Variants in OTUB2 observed in about 807,000 individuals in gnomAD.
OTUB2 encodes ubiquitin thioesterase OTUB2.
A neutral mutation model predicts 25.1 loss-of-function variants in OTUB2; 21 were observed. That is an observed-to-expected ratio of 0.84 (90% CI 0.59 to 1.21). The LOEUF is 1.21. OTUB2 is among the 50% of genes most tolerant of loss of function. The pLI, the probability that OTUB2 is intolerant of heterozygous loss-of-function variation, is 0.00. For missense variants in OTUB2, 283 were observed against 298.0 expected, an observed-to-expected ratio of 0.95 and a Z score of 0.37; for synonymous variants, 122 against 122.8, an observed-to-expected ratio of 0.99 and a Z score of 0.04.
In OTUB2 at chr14:94,048,098, T is replaced by C. The variant is rs1037914546; in HGVS notation, c.*2176T>C. On this transcript the variant is annotated 3_prime_UTR_variant, in exon 6 of 6. Transcript: ENST00000203664. ...AGATCTTTGTCTCGAAGGGAAAACA[T>C]AGTGGATGAAAAGGTGTGGCAGGCT... The C allele has an allele frequency of 1.4e-4, 21 of 152,180 alleles. No homozygotes were observed. The highest frequency in any genetic ancestry group is 5.1e-4 in the African/African-American group (21 of 41,448). The allele number at this position is 152,180 out of a possible 1,614,324, so 9.4% of individuals were successfully genotyped here. A position where few individuals can be genotyped will look rare whatever the true frequency, so the allele number is the denominator to read the frequency against.
intron 1 of OTUB2, among the ~76,000 whole-genome samples, chr14:94,030,816 G>C (rs1567050911): frequency 8.2e-6 from 1 of 121,242 alleles, no homozygotes; most frequent in African/African-American, 3.0e-5. Flanking sequence ...CAGAGTGATG[G>C]GGAGGGTGGG....
chr14:94,048,432 G>C lies in OTUB2; in HGVS notation c.*2510G>C, dbSNP rs1407855528. 1 of 152,220 alleles carries C rather than the reference G, an allele frequency of 6.6e-6. No homozygotes were observed. The highest frequency in any genetic ancestry group is 1.5e-5 in the Non-Finnish European group (1 of 68,042). The allele number at this position is 152,220 out of a possible 1,614,324, so 9.4% of individuals were successfully genotyped here. A position where few individuals can be genotyped will look rare whatever the true frequency, so the allele number is the denominator to read the frequency against. Reference sequence around the variant, plus strand: ...AGCACAAATGAGAGCTCTGGAGCCAGAATGCCAGGGTTCTAACTTCAGCAT... The same window carrying C: ...AGCACAAATGAGAGCTCTGGAGCCACAATGCCAGGGTTCTAACTTCAGCAT... On this transcript the variant is annotated 3_prime_UTR_variant, in exon 6 of 6. Coordinates refer to ENST00000203664, the MANE Select transcript of OTUB2 (RefSeq NM_023112.4).
chr14:94,034,814 A>C (rs1050231499), intron 1 of OTUB2, among the ~76,000 whole-genome samples: 14 of 152,214 alleles, frequency 9.2e-5, no homozygotes, highest in African/African-American at 3.4e-4. Flanking sequence ...TGTTCCTTTT[A>C]TCCAAAACCA....
chr14:94,030,820 G>GGGGGGA (rs199956906), intron 1 of OTUB2, among the ~76,000 whole-genome samples: 27 of 150,190 alleles, frequency 1.8e-4, no homozygotes, highest in Middle Eastern at 3.5e-3. Flanking sequence ...GTGATGGGGA[G>GGGGGGA]GGTGGGGGCC....
At chr14:94,034,090 G>A (rs1885008311) in intron 1 of OTUB2, among the ~76,000 whole-genome samples, 1 of 152,256 alleles carries the variant, frequency 6.6e-6, no homozygotes, top group East Asian at 1.9e-4. Context: ...GTAGAAAGGA[G>A]TTCAAGGTAT....
At chr14:94,044,896 TCAAA>T in intron 5 of OTUB2, 116 bp downstream of exon 5, 2 of 1,112,670 alleles carry the variant, frequency 1.8e-6, no homozygotes, top group Non-Finnish European at 2.5e-6. Context: ...CCCTTGCAAT[TCAAA>T]CAGAGCTAGG....
intron 2 of OTUB2, among the ~76,000 whole-genome samples, chr14:94,038,102 C>G (rs1455932102): frequency 6.6e-6 from 1 of 152,266 alleles, no homozygotes; most frequent in Non-Finnish European, 1.5e-5. Flanking sequence ...CAGGCCCTTC[C>G]CTTCAAGTTC....
intron 1 of OTUB2, 87 bp downstream of exon 1, chr14:94,026,627 C>CG: frequency 8.3e-7 from 1 of 1,198,018 alleles, no homozygotes; most frequent in Non-Finnish European, 1.0e-6. Context: ...ACCCGCGGGA[C>CG]GGGGGTCGGA....
At chr14:94,030,700 A>G (rs1884944646) in intron 1 of OTUB2, among the ~76,000 whole-genome samples, 1 of 152,068 alleles carries the variant, frequency 6.6e-6, no homozygotes, top group Non-Finnish European at 1.5e-5. Flanking sequence ...ACCTGTGACT[A>G]TGTTACCGTG....
intron 1 of OTUB2, among the ~76,000 whole-genome samples, chr14:94,031,385 C>CT (rs1884958305): frequency 6.6e-6 from 1 of 152,162 alleles, no homozygotes; most frequent in East Asian, 1.9e-4. Context: ...CTGCGGGCTG[C>CT]TTGAGGAGTC....
chr14:94,026,615 G>A (rs1352364056), intron 1 of OTUB2, 75 bp downstream of exon 1: 6 of 1,020,150 alleles, frequency 5.9e-6, no homozygotes, highest in Non-Finnish European at 7.5e-6. Context: ...CGGAGCGGGT[G>A]CACCCGCGGG....
chr14:94,026,592 GC>G, intron 1 of OTUB2, 52 bp downstream of exon 1: 3 of 1,217,954 alleles, frequency 2.5e-6, no homozygotes, highest in Non-Finnish European at 2.1e-6. Context: ...GGCGCGGTGG[GC>G]GGGGTCGCTG....
chr14:94,027,968 C>T (rs978675967), intron 1 of OTUB2, among the ~76,000 whole-genome samples: 5 of 152,198 alleles, frequency 3.3e-5, no homozygotes, highest in Non-Finnish European at 7.3e-5. Context: ...TGGGCTTAGC[C>T]ACCCGGGAGC....
intron 1 of OTUB2, among the ~76,000 whole-genome samples, chr14:94,030,443 C>A (rs902120291): frequency 4.6e-5 from 7 of 151,904 alleles, no homozygotes; most frequent in African/African-American, 1.7e-4. Context: ...AGTCAGAGCT[C>A]TAGGGAGAGG....
At chr14:94,041,247 C>T (rs559947485) in intron 3 of OTUB2, among the ~76,000 whole-genome samples, 8 of 152,192 alleles carry the variant, frequency 5.3e-5, no homozygotes, top group Non-Finnish European at 7.4e-5. Flanking sequence ...ATGGAGAAGC[C>T]GTTTGCTGCA....
chr14:94,047,301 A>G lies in OTUB2; in HGVS notation c.*1379A>G, dbSNP rs1885297571. The G allele has an allele frequency of 6.6e-6, 1 of 152,206 alleles. No individual in the cohort carries two copies. Among genetic ancestry groups the G allele is most frequent in the Non-Finnish European group, 1.5e-5 (1 of 68,052 alleles). 9.4% of individuals were successfully genotyped at this position (152,206 alleles called of 1,614,324 possible). A position where few individuals can be genotyped will look rare whatever the true frequency, so the allele number is the denominator to read the frequency against. Reference sequence around the variant, plus strand: ...CAACCTGACTGCACAAGGACTGGGTAGCAGACTCCTCAGAGTCCTCTTGAC... The same window carrying G: ...CAACCTGACTGCACAAGGACTGGGTGGCAGACTCCTCAGAGTCCTCTTGAC... On this transcript the variant is annotated 3_prime_UTR_variant, in exon 6 of 6. Coordinates refer to ENST00000203664, the MANE Select transcript of OTUB2 (RefSeq NM_023112.4).
At chr14:94,031,169 A>G (rs1884954112) in intron 1 of OTUB2, among the ~76,000 whole-genome samples, 2 of 151,912 alleles carry the variant, frequency 1.3e-5, no homozygotes, top group Non-Finnish European at 2.9e-5. Flanking sequence ...TTGGGAGGCC[A>G]AGGTGGGAGG....
At chr14:94,026,655 A>T (rs1162953325) in intron 1 of OTUB2, 115 bp downstream of exon 1, 2 of 1,100,496 alleles carry the variant, frequency 1.8e-6, no homozygotes, top group African/African-American at 1.6e-5. Context: ...CTCAGCCCCC[A>T]GCTCGCCCCC....
rs1885302871 is a variant in OTUB2, at chr14:94,047,560, G to C, written c.*1638G>C. On this transcript the variant is annotated 3_prime_UTR_variant, in exon 6 of 6. Coordinates refer to ENST00000203664, the MANE Select transcript of OTUB2 (RefSeq NM_023112.4). ...ACCATGGTCTATGAGAAGTACACTG[G>C]AAGCGTGGGGGGAACACATGACATG... 1 of 152,236 alleles carries C rather than the reference G, an allele frequency of 6.6e-6. No homozygotes were observed. Among genetic ancestry groups the C allele is most frequent in the Non-Finnish European group, 1.5e-5 (1 of 68,032 alleles). 9.4% of individuals were successfully genotyped at this position (152,236 alleles called of 1,614,324 possible).
Sources: gnomAD v4.1 joint callset for allele counts (sites outside exome capture counted in the v4.1 genomes callset) on GRCh38, gnomAD v4.1.1 for gene constraint, MANE v1.5 for transcripts, NCBI Gene and HGNC (gene_info 2026-07-23, HGNC 2026-07-21) for gene names.